The following DNAH5 variants were observed in gnomAD, a reference collection of about 807,000 sequenced individuals.
DNAH5 encodes the protein dynein axonemal heavy chain 5.
DNAH5 carries 372 observed loss-of-function variants against 518.2 expected under a neutral mutation model. The ratio of observed to expected loss-of-function variants is 0.72; its 90% CI spans 0.66 to 0.78. The LOEUF is 0.78. Among genes scored for constraint, DNAH5 ranks in the 30% least tolerant of loss-of-function variants. The pLI is 0.00. For missense variants in DNAH5, 5,523 were observed against 5,687.0 expected, an observed-to-expected ratio of 0.97 and a Z score of 0.93; for synonymous variants, 2,039 against 2,025.9, an observed-to-expected ratio of 1.01 and a Z score of -0.17.
chr5:13,861,169 A>C (rs1290601271), intron 29 of DNAH5, among the ~76,000 whole-genome samples: 1 of 152,178 alleles, frequency 6.6e-6, no homozygotes, highest in Non-Finnish European at 1.5e-5. Flanking sequence ...GATAATTTTT[A>C]CTTAATTTAC....
Position 13,729,605 on chromosome 5 carries a change from A to G in DNAH5, c.11762-45T>C, listed in dbSNP as rs3777093. 899,503 of 1,526,076 alleles carry G rather than the reference A, an allele frequency of 0.59. 265,948 individuals are homozygous for G. Among genetic ancestry groups the G allele is most frequent in the East Asian group, 0.66 (27,630 of 41,644 alleles). 94.5% of individuals were successfully genotyped at this position (1,526,076 alleles called of 1,614,324 possible). A position where few individuals can be genotyped will look rare whatever the true frequency, so the allele number is the denominator to read the frequency against. ...ATTATCAGATTTCCCTTCCTTCACT[A>G]TAAAACAATCTATTTAGTAAAATTT... On this transcript the variant is annotated intron_variant, in intron 68 of 78. Transcript: ENST00000265104.
At chr5:13,803,741 C>A (rs1475096182) in intron 47 of DNAH5, among the ~76,000 whole-genome samples, 1 of 152,178 alleles carries the variant, frequency 6.6e-6, no homozygotes, top group East Asian at 1.9e-4. Context: ...GGATCCCTTG[C>A]AGGAAGAAAA....
chr5:13,990,455 A>C (rs1316214155), intron 1 of DNAH5, among the ~76,000 whole-genome samples: 1 of 152,200 alleles, frequency 6.6e-6, no homozygotes, highest in Non-Finnish European at 1.5e-5. Flanking sequence ...CGGGAGGCTG[A>C]GGCGGAAGAA....
At chr5:13,854,000 T>C (rs1419236691) in intron 30 of DNAH5, among the ~76,000 whole-genome samples, 1 of 152,030 alleles carries the variant, frequency 6.6e-6, no homozygotes, top group East Asian at 1.9e-4. Flanking sequence ...AGGCCAACAT[T>C]CAAATTCAGG....
chr5:13,772,252 C>T (rs1398239933), intron 55 of DNAH5, among the ~76,000 whole-genome samples: 1 of 152,038 alleles, frequency 6.6e-6, no homozygotes, highest in East Asian at 1.9e-4. Context: ...CGGGGAAGTG[C>T]CCGCTTTCTG....
At chr5:13,778,587 A>AG (rs1561234538) in intron 53 of DNAH5, among the ~76,000 whole-genome samples, 42 of 73,488 alleles carry the variant, frequency 5.7e-4, no homozygotes, top group African/African-American at 2.3e-3. Flanking sequence ...AGAAAGAAAG[A>AG]AAGAAAGAAA....
At chr5:13,923,544 T>A in intron 3 of DNAH5, 104 bp from the exon 4 acceptor site, 1 of 1,291,440 alleles carries the variant, frequency 7.7e-7, no homozygotes, top group South Asian at 1.2e-5. Flanking sequence ...TGTTGACTTG[T>A]CCATGTGCCT....
At chr5:13,843,265 T>A (rs761805599) in intron 32 of DNAH5, among the ~76,000 whole-genome samples, 2 of 152,138 alleles carry the variant, frequency 1.3e-5, no homozygotes, top group Non-Finnish European at 2.9e-5. Flanking sequence ...TCATTCCGCC[T>A]CCTACACTGT....
chr5:13,807,521 T>G, intron 47 of DNAH5, 70 bp downstream of exon 47: 1 of 1,431,968 alleles, frequency 7.0e-7, no homozygotes, highest in South Asian at 1.2e-5. Flanking sequence ...TGAAGCAGAA[T>G]AGTAGAGATT....
intron 14 of DNAH5, 33 bp from the exon 15 acceptor site, chr5:13,900,445 A>G: frequency 6.4e-7 from 1 of 1,556,396 alleles, no homozygotes. Context: ...TTACTATCAG[A>G]AAGTTCAATT....
chr5:13,788,144 C>T (rs993998658), intron 51 of DNAH5, among the ~76,000 whole-genome samples: 1 of 152,162 alleles, frequency 6.6e-6, no homozygotes, highest in Non-Finnish European at 1.5e-5. Flanking sequence ...CATCTCATTC[C>T]AATTACATTT....
chr5:13,914,431 T>A, intron 10 of DNAH5, 89 bp downstream of exon 10: 1 of 1,414,970 alleles, frequency 7.1e-7, no homozygotes, highest in Non-Finnish European at 9.8e-7. Context: ...TATCAACCAA[T>A]GATATAATAA....
chr5:13,908,135 G>A (rs1775566961), intron 12 of DNAH5, among the ~76,000 whole-genome samples: 1 of 152,118 alleles, frequency 6.6e-6, no homozygotes, highest in Non-Finnish European at 1.5e-5. Flanking sequence ...GGAGCTGGAA[G>A]CCTATTACAA....
intron 1 of DNAH5, among the ~76,000 whole-genome samples, chr5:13,971,677 A>G (rs796606965): frequency 5.1e-4 from 78 of 152,320 alleles, no homozygotes; most frequent in African/African-American, 1.8e-3. Flanking sequence ...CAGTGGAGGT[A>G]GCAAAGGAGT....
At position 13,871,646 on chromosome 5, in the gene DNAH5, C is replaced by T. The variant is rs2151920417; in HGVS notation, c.3516G>A (p.Gln1172=). The T allele has an allele frequency of 6.2e-7, 1 of 1,613,784 alleles. No individual in the cohort carries two copies. The highest frequency in any genetic ancestry group is 1.6e-4 in the Middle Eastern group (1 of 6,062). The change falls in exon 23 of 79, where the codon CAG becomes CAA. Residue 1172 remains glutamine, a synonymous_variant. Coordinates refer to ENST00000265104, the MANE Select transcript of DNAH5 (RefSeq NM_001369.3). The part of the protein sequence containing the change: ...QSPLLSEFES[Q]ILYFQNLEQE... ...GCTCTAGGTTTTGGAAATAGAGAAT[C>T]TGGGACTCAAATTCAGAAAGCAAGG...
chr5:13,866,194 A>G (rs780750104), intron 26 of DNAH5, 26 bp downstream of exon 26: 1 of 1,606,122 alleles, frequency 6.2e-7, no homozygotes, highest in Non-Finnish European at 8.5e-7. Flanking sequence ...CATTGTTTAG[A>G]AAGTCATAGA....
intron 21 of DNAH5, among the ~76,000 whole-genome samples, chr5:13,877,141 C>T (rs917928085): frequency 6.6e-6 from 1 of 152,168 alleles, no homozygotes; most frequent in Admixed American, 6.5e-5. Flanking sequence ...AGCAGCCTTA[C>T]AACCATTATA....
intron 12 of DNAH5, among the ~76,000 whole-genome samples, chr5:13,904,535 T>G (rs1298556155): frequency 2.7e-5 from 4 of 149,956 alleles, no homozygotes; most frequent in Non-Finnish European, 5.9e-5. Context: ...TGTATGTGGA[T>G]TATGTGTGTG....
intron 55 of DNAH5, among the ~76,000 whole-genome samples, chr5:13,774,803 T>C (rs539956322): frequency 1.3e-5 from 2 of 152,248 alleles, no homozygotes; most frequent in African/African-American, 4.8e-5. Context: ...CAATAAGACC[T>C]TTGTCTACAA....
Sources: gnomAD v4.1 joint callset for allele counts (sites outside exome capture counted in the v4.1 genomes callset) on GRCh38, gnomAD v4.1.1 for gene constraint, MANE v1.5 for transcripts, NCBI Gene and HGNC (gene_info 2026-07-23, HGNC 2026-07-21) for gene names.